TMIGD3: variants seen among roughly 807,000 people sequenced by gnomAD.
TMIGD3 encodes AD026 protein (AD026).
In TMIGD3, 21 loss-of-function variants were observed where a neutral mutation model predicts 28.1. That is an observed-to-expected ratio of 0.75 (90% CI 0.53 to 1.08). The LOEUF (loss-of-function observed/expected upper bound fraction) is 1.08. Among genes scored for constraint, TMIGD3 ranks in the 50% least tolerant of loss-of-function variants. TMIGD3 has a pLI of 0.00. For synonymous variants in TMIGD3, 151 were observed against 162.1 expected (o/e 0.93, Z 0.52); for missense variants, 416 against 435.6 (o/e 0.96, Z 0.40).
intron 1 of TMIGD3, among the ~76,000 whole-genome samples, chr1:111,517,801 A>G (rs1266689079): frequency 6.6e-6 from 1 of 152,118 alleles, no homozygotes; most frequent in African/African-American, 2.4e-5. Context: ...TGCTGCATGG[A>G]TTATCTATTT....
At chr1:111,495,218 T>A (rs947038869) in intron 1 of TMIGD3, among the ~76,000 whole-genome samples, 2 of 152,132 alleles carry the variant, frequency 1.3e-5, no homozygotes, top group African/African-American at 2.4e-5. Flanking sequence ...GAACTATTCA[T>A]CTGACAAAGG....
At chr1:111,500,531 T>C in intron 1 of TMIGD3, 1 of 1,614,186 alleles carries the variant, frequency 6.2e-7, no homozygotes, top group Non-Finnish European at 8.5e-7. Flanking sequence ...AGCCATATTC[T>C]TCTGTGAGTG....
intron 1 of TMIGD3, among the ~76,000 whole-genome samples, chr1:111,551,707 C>T (rs1026305829): frequency 6.6e-6 from 1 of 151,584 alleles, no homozygotes; most frequent in Non-Finnish European, 1.5e-5. Context: ...TTATCATTAC[C>T]AGTGGCAGTG....
chr1:111,519,367 G>T (rs918632777), intron 1 of TMIGD3, among the ~76,000 whole-genome samples: 1 of 152,116 alleles, frequency 6.6e-6, no homozygotes, highest in Non-Finnish European at 1.5e-5. Flanking sequence ...GGAAATAATG[G>T]CAGCACTTTG....
chr1:111,549,925 T>G (rs977650444), intron 1 of TMIGD3, among the ~76,000 whole-genome samples: 1 of 152,218 alleles, frequency 6.6e-6, no homozygotes, highest in Non-Finnish European at 1.5e-5. Flanking sequence ...AGTGCTGGAA[T>G]TACAGGCATG....
chr1:111,527,158 A>T (rs940960902), intron 1 of TMIGD3, among the ~76,000 whole-genome samples: 1 of 151,796 alleles, frequency 6.6e-6, no homozygotes, highest in South Asian at 2.1e-4. Context: ...CTACAGGTGC[A>T]TGCCACCACA....
At chr1:111,495,914 A>G (rs1654866562) in intron 1 of TMIGD3, among the ~76,000 whole-genome samples, 1 of 152,242 alleles carries the variant, frequency 6.6e-6, no homozygotes, top group South Asian at 2.1e-4. Context: ...ACAAAAAAAC[A>G]AATATTGCAT....
chr1:111,496,102 A>C (rs1654876957), intron 1 of TMIGD3, among the ~76,000 whole-genome samples: 1 of 152,214 alleles, frequency 6.6e-6, no homozygotes, highest in Non-Finnish European at 1.5e-5. Flanking sequence ...CAACAAACCT[A>C]TGAAATTACC....
At chr1:111,492,828 A>G (rs1002245484) in intron 1 of TMIGD3, among the ~76,000 whole-genome samples, 7 of 151,956 alleles carry the variant, frequency 4.6e-5, no homozygotes, top group African/African-American at 1.7e-4. Context: ...AAAAAAAAAA[A>G]AAAAAGTATC....
chr1:111,517,650 T>G (rs1259798021), intron 1 of TMIGD3, among the ~76,000 whole-genome samples: 2 of 152,178 alleles, frequency 1.3e-5, no homozygotes, highest in African/African-American at 4.8e-5. Context: ...TTTTCACATC[T>G]GTAAAGTGAG....
chr1:111,488,949 G>T lies in TMIGD3; in HGVS notation c.533C>A (p.Ala178Asp). 19 of 1,614,182 alleles carry T rather than the reference G, an allele frequency of 1.2e-5. No individual in the cohort carries two copies. Among genetic ancestry groups the T allele is most frequent in the Non-Finnish European group, 1.6e-5 (19 of 1,180,026 alleles). Residue 178 changes from alanine (A) to aspartate (D), a missense_variant, in exon 3 of 6, where the codon GCC becomes GAC. Ala to Asp is a moderately radical substitution (Grantham distance 126, BLOSUM62 -2). Coordinates refer to ENST00000369716, the MANE Select transcript of TMIGD3 (RefSeq NM_020683.7). ...GTATTTGGGGTGATTCTTGTAGTGGGCATTGTAGTTGCAGATGGCAGAAGC... is the reference window on the plus strand; with the variant it reads ...GTATTTGGGGTGATTCTTGTAGTGGTCATTGTAGTTGCAGATGGCAGAAGC... ...DTASAICNYNAHYKNHPKYWC... is the reference protein window; with the variant it reads ...DTASAICNYNDHYKNHPKYWC...
chr1:111,492,598 G>A (rs1156605173), intron 1 of TMIGD3, among the ~76,000 whole-genome samples: 4 of 152,048 alleles, frequency 2.6e-5, no homozygotes, highest in South Asian at 2.1e-4. Context: ...GGCGGATGAC[G>A]AGGTCAGGAG....
chr1:111,550,977 A>G (rs554382862), intron 1 of TMIGD3, among the ~76,000 whole-genome samples: 2 of 151,370 alleles, frequency 1.3e-5, no homozygotes, highest in African/African-American at 4.8e-5. Context: ...TCATTATAAA[A>G]TGTTCTTCTT....
chr1:111,500,707 C>T lies in TMIGD3; in HGVS notation c.350+2298G>A, dbSNP rs182390487. The T allele has an allele frequency of 4.4e-4, 313 of 713,124 alleles. 2 individuals carry two copies. The highest frequency in any genetic ancestry group is 4.2e-3 in the African/African-American group (239 of 56,656). 44.2% of individuals were successfully genotyped at this position (713,124 alleles called of 1,614,324 possible). A position where few individuals can be genotyped will look rare whatever the true frequency, so the allele number is the denominator to read the frequency against. The stretch of plus-strand genomic sequence containing the variant: ...TGCTAAGAGAGGGCAGCATTGATAT[C>T]CTATGGTGATTCCAGCTAAACTCCA... On this transcript the variant is annotated intron_variant, in intron 1 of 5. Coordinates refer to ENST00000369716, the MANE Select transcript of TMIGD3 (RefSeq NM_020683.7).
intron 1 of TMIGD3, among the ~76,000 whole-genome samples, chr1:111,510,723 G>T (rs577797215): frequency 3.3e-5 from 5 of 152,204 alleles, no homozygotes; most frequent in South Asian, 2.1e-4. Flanking sequence ...TATAAGAAAT[G>T]ACTCCATAGA....
upstream of TMIGD3, chr1:111,504,986 C>G (rs562142589): frequency 2.0e-6 from 2 of 985,338 alleles, no homozygotes; most frequent in South Asian, 9.4e-5. Flanking sequence ...CTGCCCACAT[C>G]CCTGCACTGC....
At position 111,514,556 on chromosome 1, in the gene TMIGD3, T is replaced by TA. The variant is rs1332743493; in HGVS notation, c.108-23795dup. Among the ~76,000 whole-genome samples the TA allele has an allele frequency of 2.0e-3, 287 of 145,112 alleles. 1 individual carries two copies. The highest frequency in any genetic ancestry group is 6.7e-3 in the African/African-American group (262 of 39,376). On this transcript the variant is annotated intron_variant, in intron 1 of 5. Coordinates refer to the TMIGD3 transcript ENST00000369717. ...TGGATGACAGGATGAGACCTTGACT[T>TA]AAAAAAAAAAGCAGCAGCAAAGTCT...
intron 1 of TMIGD3, among the ~76,000 whole-genome samples, chr1:111,552,520 C>T (rs543532018): frequency 2.0e-5 from 3 of 152,238 alleles, no homozygotes; most frequent in East Asian, 3.9e-4. Context: ...TTCAGAGTAC[C>T]TTACTCTACC....
chr1:111,491,055 T>C (rs773933395), intron 1 of TMIGD3, among the ~76,000 whole-genome samples: 5 of 152,254 alleles, frequency 3.3e-5, no homozygotes, highest in Non-Finnish European at 5.9e-5. Context: ...TACTATGCCC[T>C]GTCCTGCTGC....
Sources: gnomAD v4.1 joint callset for allele counts (sites outside exome capture counted in the v4.1 genomes callset) on GRCh38, gnomAD v4.1.1 for gene constraint, MANE v1.5 for transcripts, NCBI Gene and HGNC (gene_info 2026-07-23, HGNC 2026-07-21) for gene names.